The following RND2 variants were observed in gnomAD, a reference collection of about 807,000 sequenced individuals.
The protein encoded by RND2 is rho-related GTP-binding protein RhoN.
RND2 carries 16 observed loss-of-function variants against 25.9 expected under a neutral mutation model. The ratio of observed to expected loss-of-function variants is 0.62; its 90% CI spans 0.42 to 0.94. The LOEUF (loss-of-function observed/expected upper bound fraction) is 0.94, where lower values mean the gene tolerates loss of function less well. Ranked by LOEUF, RND2 falls within the 40% of genes least tolerant of loss-of-function variation. The pLI, the probability that RND2 is intolerant of heterozygous loss-of-function variation, is 0.00. For missense variants in RND2, 276 were observed against 305.5 expected (o/e 0.90, Z 0.72); for synonymous variants, 97 against 118.1 (o/e 0.82, Z 1.16).
intron 2 of RND2, 78 bp downstream of exon 2, chr17:43,026,125 C>G: frequency 1.1e-6 from 1 of 907,882 alleles, no homozygotes; most frequent in Non-Finnish European, 1.8e-6. Context: ...CCCTTAGGTT[C>G]CAGGTAAGCC....
chr17:43,026,385 C>T (rs2050622756), intron 2 of RND2: 1 of 250,176 alleles, frequency 4.0e-6, no homozygotes, highest in African/African-American at 2.2e-5. Flanking sequence ...CACGGTGGCT[C>T]ACGCCTGTAA....
At chr17:43,027,992 G>T (rs1023045655) in intron 3 of RND2, 69 bp from the exon 4 acceptor site, 3 of 1,536,300 alleles carry the variant, frequency 2.0e-6, no homozygotes, top group African/African-American at 2.7e-5. Context: ...CACACTGCTG[G>T]CATGGCACAA....
chr17:43,028,872 A>G lies in RND2; in HGVS notation c.*192A>G, dbSNP rs1172376481. 3.7e-6 allele frequency: 3 copies of G among 815,244 alleles called. No individual in the cohort carries two copies. The African/African-American group carries it at 5.2e-5, about 14-fold the overall frequency. The allele number at this position is 815,244 out of a possible 1,614,324, so 50.5% of individuals were successfully genotyped here. A position where few individuals can be genotyped will look rare whatever the true frequency, so the allele number is the denominator to read the frequency against. ...CATCTCCTCCTCCCTCCTCTTCTCC[A>G]GTGGATGTTGAGGGAGCTAACAGGG... is the stretch of plus-strand genomic sequence containing the variant. On this transcript the variant is annotated 3_prime_UTR_variant, in exon 5 of 5. Transcript: ENST00000587250.
rs537385290 is a variant in RND2, at chr17:43,026,094, C to G, written c.190+47C>G. Reference sequence around the variant, plus strand: ...ACCCTGACTTCCAAGGCGGCCCACTCTGTCCCCTCCCTTGGTTAGACCCTT... The same window carrying G: ...ACCCTGACTTCCAAGGCGGCCCACTGTGTCCCCTCCCTTGGTTAGACCCTT... On this transcript the variant is annotated intron_variant, in intron 2 of 4. Coordinates refer to ENST00000587250, the MANE Select transcript of RND2 (RefSeq NM_005440.5). The G allele has an allele frequency of 4.4e-6, 6 of 1,370,032 alleles. No homozygotes were observed. The East Asian group carries it at 1.4e-4, about 32-fold the overall frequency. 84.9% of individuals were successfully genotyped at this position (1,370,032 alleles called of 1,614,324 possible). A position where few individuals can be genotyped will look rare whatever the true frequency, so the allele number is the denominator to read the frequency against.
At position 43,025,288 on chromosome 17, in the gene RND2, G is replaced by C; in HGVS notation, c.-60G>C. ...GAGCGGCTGCAGTTGCAGGGGCGGG[G>C]GAGGCGGCGGCGGGGCCCGGGAGAG... On this transcript the variant is annotated 5_prime_UTR_variant, in exon 1 of 5. Coordinates refer to ENST00000587250, the MANE Select transcript of RND2 (RefSeq NM_005440.5). The C allele has an allele frequency of 1.4e-6, 2 of 1,424,136 alleles. No homozygotes were observed. Among genetic ancestry groups the C allele is most frequent in the South Asian group, 2.7e-5 (2 of 73,996 alleles). The allele number at this position is 1,424,136 out of a possible 1,614,324, so 88.2% of individuals were successfully genotyped here.
Position 43,025,425 on chromosome 17 carries a change from G to A in RND2, c.78G>A (p.Val26=), listed in dbSNP as rs1230932898. 6.4e-7 allele frequency: 1 copy of A among 1,551,070 alleles called. No individual in the cohort carries two copies. The highest frequency in any genetic ancestry group is 8.7e-7 in the Non-Finnish European group (1 of 1,147,398). ...AECGKTALLQ[V]FAKDAYPGSY... is the part of the protein sequence containing the mutation. Reference sequence around the variant, plus strand: ...GCGGCAAGACGGCGCTGCTGCAGGTGTTCGCCAAGGACGCCTATCCCGGGG... The same window carrying A: ...GCGGCAAGACGGCGCTGCTGCAGGTATTCGCCAAGGACGCCTATCCCGGGG... Residue 26 remains valine, a synonymous_variant, in exon 1 of 5, where the codon GTG becomes GTA. Coordinates refer to ENST00000587250, the MANE Select transcript of RND2 (RefSeq NM_005440.5).
intron 2 of RND2, among the ~76,000 whole-genome samples, chr17:43,026,588 GC>G (rs2050624765): frequency 6.6e-6 from 1 of 152,226 alleles, no homozygotes; most frequent in Non-Finnish European, 1.5e-5. Context: ...GGCGGAGGCT[GC>G]AGTGAGCCGA....
intron 2 of RND2, among the ~76,000 whole-genome samples, chr17:43,026,701 C>A (rs1257558455): frequency 6.6e-6 from 1 of 152,150 alleles, no homozygotes; most frequent in Non-Finnish European, 1.5e-5. Context: ...GAGGGGTGGT[C>A]AGGAGGCTGT....
At chr17:43,028,367 A>G in intron 4 of RND2, 65 bp from the exon 5 acceptor site, 1 of 1,595,806 alleles carries the variant, frequency 6.3e-7, no homozygotes, top group Non-Finnish European at 8.6e-7. Flanking sequence ...CACAGCCTCC[A>G]TGCCCCTTTC....
chr17:43,025,475 G>T, intron 1 of RND2, 26 bp downstream of exon 1: 1 of 1,542,716 alleles, frequency 6.5e-7, no homozygotes. Flanking sequence ...CTTGGGAGGG[G>T]GACGCTAAGG....
Position 43,028,579 on chromosome 17 carries a change from C to T in RND2, c.583C>T (p.Arg195Cys), listed in dbSNP as rs759687220. Reference sequence around the variant, plus strand: ...TAGGCAGCTGCGCCGAACTGACTCACGCCGGGGAATGCAGCGATCCGCTCA... The same window carrying T: ...TAGGCAGCTGCGCCGAACTGACTCATGCCGGGGAATGCAGCGATCCGCTCA... ...GHRQLRRTDSRRGMQRSAQLS... is the reference protein window; with the variant it reads ...GHRQLRRTDSCRGMQRSAQLS... Residue 195 changes from arginine to cysteine, a missense_variant, in exon 5 of 5, where the codon CGC becomes TGC. Arg to Cys is a radical substitution (Grantham distance 180, BLOSUM62 -3). Transcript: ENST00000587250. 1.2e-5 allele frequency: 19 copies of T among 1,613,996 alleles called. No individual in the cohort carries two copies. Among genetic ancestry groups the T allele is most frequent in the African/African-American group, 9.3e-5 (7 of 74,914 alleles).
At chr17:43,026,687 G>A (rs1431194243) in intron 2 of RND2, among the ~76,000 whole-genome samples, 1 of 152,188 alleles carries the variant, frequency 6.6e-6, no homozygotes, top group Non-Finnish European at 1.5e-5. Flanking sequence ...AGAATGTCTT[G>A]AGTGAGGGGT....
In RND2 at chr17:43,026,008, GACAAGCGCCGC is replaced by G. The variant is rs2050620315; in HGVS notation, c.153_163del (p.Lys52Ter). On this transcript the variant is annotated frameshift_variant, in exon 2 of 5. Coordinates refer to ENST00000587250, the MANE Select transcript of RND2 (RefSeq NM_005440.5). LOFTEE classifies it high-confidence loss of function. ...GAACTACACTGCGAGCTTTGAGATC[GACAAGCGCCGC>G]ATTGAGCTCAACATGTGGGACACTT... 6.2e-6 allele frequency: 10 copies of G among 1,612,860 alleles called. No individual in the cohort carries two copies. In the South Asian group the frequency reaches 1.1e-4, roughly 18 times the overall value.
Position 43,026,031 on chromosome 17 carries a change from C to T in RND2, c.174C>T (p.Asn58=), listed in dbSNP as rs2050620556. 1 of 1,609,776 alleles carries T rather than the reference C, an allele frequency of 6.2e-7. No homozygotes were observed. Among genetic ancestry groups the T allele is most frequent in the Non-Finnish European group, 8.5e-7 (1 of 1,176,600 alleles). Residue 58 remains asparagine (N), a synonymous_variant, in exon 2 of 5, where the codon AAC becomes AAT. Transcript: ENST00000587250. ...TCGACAAGCGCCGCATTGAGCTCAA[C>T]ATGTGGGACACTTCAGGTAGCCAAG... ...FEIDKRRIEL[N]MWDTSGSSYY...
intron 3 of RND2, 133 bp from the exon 4 acceptor site, chr17:43,027,928 A>C (rs1356643012): frequency 6.6e-6 from 7 of 1,058,546 alleles, no homozygotes; most frequent in South Asian, 1.6e-5. Flanking sequence ...CTCCTTCCTC[A>C]TGTGGGAGAG....
chr17:43,026,413 G>A (rs1195177347), intron 2 of RND2, among the ~76,000 whole-genome samples: 1 of 152,218 alleles, frequency 6.6e-6, no homozygotes. Flanking sequence ...ACTTTGGGAG[G>A]CTGGGGTGGG....
At chr17:43,027,161 C>T in intron 2 of RND2, 22 bp from the exon 3 acceptor site, 1 of 1,535,948 alleles carries the variant, frequency 6.5e-7, no homozygotes, top group Admixed American at 1.8e-5. Flanking sequence ...ACTCAGGCCC[C>T]TCATGCCCTG....
Position 43,029,035 on chromosome 17 carries a change from C to G in RND2, c.*355C>G, listed in dbSNP as rs781402644. The G allele has an allele frequency of 2.3e-4, 63 of 274,696 alleles. No homozygotes were observed. The highest frequency in any genetic ancestry group is 3.5e-4 in the Non-Finnish European group (49 of 141,542). The allele number at this position is 274,696 out of a possible 1,614,324, so 17.0% of individuals were successfully genotyped here. On this transcript the variant is annotated 3_prime_UTR_variant, in exon 5 of 5. Coordinates refer to ENST00000587250, the MANE Select transcript of RND2 (RefSeq NM_005440.5). ...CAGTCCCCATATCCTGGTTCTGGCC[C>G]AAGGAAAATGTCCATTCTATGACCT...
intron 2 of RND2, among the ~76,000 whole-genome samples, 188 bp from the exon 3 acceptor site, chr17:43,026,995 T>A (rs2050628101): frequency 6.6e-6 from 1 of 152,248 alleles, no homozygotes; most frequent in Admixed American, 6.5e-5. Flanking sequence ...TCCCACCATG[T>A]GACCTCCCTT....
Sources: gnomAD v4.1 joint callset for allele counts (sites outside exome capture counted in the v4.1 genomes callset) on GRCh38, gnomAD v4.1.1 for gene constraint, MANE v1.5 for transcripts, NCBI Gene and HGNC (gene_info 2026-07-23, HGNC 2026-07-21) for gene names.